GRM1: variants seen among roughly 807,000 people sequenced by gnomAD.
GRM1 encodes the protein metabotropic glutamate receptor 1.
In GRM1, 33 loss-of-function variants were observed where a neutral mutation model predicts 90.9. The ratio of observed to expected loss-of-function variants is 0.36; its 90% CI spans 0.28 to 0.49. GRM1 has a LOEUF of 0.49. GRM1 is among the 20% of genes least tolerant of loss of function. The pLI, the probability that GRM1 is intolerant of heterozygous loss-of-function variation, is 0.99. For missense variants in GRM1, 1,190 were observed against 1,534.3 expected, an observed-to-expected ratio of 0.78 and a Z score of 3.75; for synonymous variants, 700 against 613.2, an observed-to-expected ratio of 1.14 and a Z score of -2.09.
intron 2 of GRM1, among the ~76,000 whole-genome samples, chr6:146,189,966 T>C (rs1285527181): frequency 6.6e-6 from 1 of 152,204 alleles, no homozygotes; most frequent in East Asian, 1.9e-4. Flanking sequence ...TACAGTGTTT[T>C]GCTTTGGCAA....
rs1290728366 is a variant in GRM1 at position 146,166,613 on chromosome 6, G to A, written c.950+7016G>A. 2.6e-5 allele frequency among the ~76,000 whole-genome samples: 4 copies of A among 152,082 alleles called. No homozygotes were observed. In the East Asian group the frequency reaches 5.8e-4, roughly 22 times the overall value. On this transcript the variant is annotated intron_variant, in intron 2 of 7. Coordinates refer to ENST00000282753, the MANE Select transcript of GRM1 (RefSeq NM_001278064.2). ...GCTGCCCAAATTGGCCTACTGACCT[G>A]CCCTCTGAAAACACAGTCATGTTCC...
intron 2 of GRM1, among the ~76,000 whole-genome samples, chr6:146,211,347 GAA>G (rs58945695): frequency 1.6e-5 from 2 of 125,446 alleles, no homozygotes. Flanking sequence ...TCTAATGATA[GAA>G]AAAAAAAAAA....
intron 1 of GRM1, among the ~76,000 whole-genome samples, chr6:146,066,277 T>C (rs1775844669): frequency 6.6e-6 from 1 of 152,214 alleles, no homozygotes; most frequent in African/African-American, 2.4e-5. Flanking sequence ...TGTGACTATG[T>C]ATACTCAGAT....
At chr6:146,066,766 C>CAGAGAGAG (rs560090955) in intron 1 of GRM1, among the ~76,000 whole-genome samples, 176 of 60,160 alleles carry the variant, frequency 2.9e-3, no homozygotes, top group African/African-American at 7.8e-3. Flanking sequence ...GACAGACAGG[C>CAGAGAGAG]AGAGAGAGAG....
At chr6:146,391,314 A>G (rs2114546477) in intron 6 of GRM1, among the ~76,000 whole-genome samples, 1 of 152,154 alleles carries the variant, frequency 6.6e-6, no homozygotes, top group Middle Eastern at 3.4e-3. Context: ...TTTGCTCAGT[A>G]ATTTGTAGTT....
intron 2 of GRM1, among the ~76,000 whole-genome samples, chr6:146,279,814 A>AT (rs200054864): frequency 5.1e-4 from 77 of 150,966 alleles, no homozygotes; most frequent in Admixed American, 1.6e-3. Context: ...TTATTTATTG[A>AT]TTTTTTTTTC....
intron 2 of GRM1, among the ~76,000 whole-genome samples, chr6:146,224,066 T>C (rs1009469218): frequency 3.3e-5 from 5 of 152,022 alleles, no homozygotes; most frequent in Admixed American, 2.6e-4. Flanking sequence ...TGTGTTCCCA[T>C]AGAAACCTCA....
intron 2 of GRM1, among the ~76,000 whole-genome samples, chr6:146,252,519 G>A (rs1227099956): frequency 2.6e-5 from 4 of 152,080 alleles, no homozygotes; most frequent in African/African-American, 7.2e-5. Flanking sequence ...TGCTGAGGCA[G>A]GAGAATTGTT....
In GRM1 at chr6:146,252,385, C is replaced by G. The variant is rs541303940; in HGVS notation, c.951-52226C>G. Among the ~76,000 whole-genome samples the G allele has an allele frequency of 1.6e-4, 24 of 152,252 alleles. No individual in the cohort carries two copies. The South Asian group carries it at 5.0e-3, about 32-fold the overall frequency. ...GGGTGTGGTGGCTCACGCCTGTAAT[C>G]CCAGCACTTTGGGAGGTCAAGGCGG... is the stretch of plus-strand genomic sequence containing the variant. On this transcript the variant is annotated intron_variant, in intron 2 of 7. Transcript: ENST00000282753.
At chr6:146,360,449 A>G (rs552563941) in intron 5 of GRM1, among the ~76,000 whole-genome samples, 9 of 152,184 alleles carry the variant, frequency 5.9e-5, no homozygotes, top group Non-Finnish European at 1.3e-4. Context: ...GGAAAAAAAG[A>G]GCCCATGTCA....
At chr6:146,153,034 G>A (rs139046395) in intron 1 of GRM1, among the ~76,000 whole-genome samples, 5 of 152,270 alleles carry the variant, frequency 3.3e-5, no homozygotes, top group East Asian at 3.9e-4. Context: ...GGGTGGGCTC[G>A]TGGCTGGGTG....
At chr6:146,290,574 A>G (rs1350079380) in intron 2 of GRM1, among the ~76,000 whole-genome samples, 2 of 152,032 alleles carry the variant, frequency 1.3e-5, no homozygotes, top group East Asian at 1.9e-4. Context: ...GAAACCCAAT[A>G]TTGTCTGGCC....
intron 1 of GRM1, among the ~76,000 whole-genome samples, chr6:146,033,034 G>T (rs192436612): frequency 6.6e-6 from 1 of 151,430 alleles, no homozygotes; most frequent in Admixed American, 6.6e-5. Context: ...CATATTATTT[G>T]TACCACACTT....
intron 3 of GRM1, among the ~76,000 whole-genome samples, chr6:146,310,196 A>G (rs1783725826): frequency 6.6e-6 from 1 of 152,206 alleles, no homozygotes; most frequent in African/African-American, 2.4e-5. Context: ...CTCTTACTCC[A>G]ATAGTTTGGA....
intron 1 of GRM1, among the ~76,000 whole-genome samples, chr6:146,117,380 G>A (rs1775791478): frequency 6.6e-6 from 1 of 151,670 alleles, no homozygotes; most frequent in Non-Finnish European, 1.5e-5. Flanking sequence ...TCATCCAGTG[G>A]ATACATCTAA....
chr6:146,137,890 C>A (rs1446878985), intron 1 of GRM1, among the ~76,000 whole-genome samples: 1 of 151,886 alleles, frequency 6.6e-6, no homozygotes, highest in East Asian at 1.9e-4. Context: ...AAGTTAATGC[C>A]TAGGTATTTA....
intron 2 of GRM1, among the ~76,000 whole-genome samples, chr6:146,175,698 A>G (rs1374444690): frequency 6.6e-6 from 1 of 152,100 alleles, no homozygotes; most frequent in Non-Finnish European, 1.5e-5. Context: ...TTTCTTTTTA[A>G]AGTCACAAAC....
In GRM1 at chr6:146,252,314, T is replaced by C. The variant is rs140563125; in HGVS notation, c.951-52297T>C. Among the ~76,000 whole-genome samples, 751 of 152,302 alleles carry C rather than the reference T, an allele frequency of 4.9e-3. 4 individuals are homozygous for C. Among genetic ancestry groups the C allele is most frequent in the African/African-American group, 0.017 (698 of 41,562 alleles). ...TTGAAAAATATTTGGGGAGACTTCCTGAGGGAGGTGACATCAAAACTAGGG... is the reference window on the plus strand; with the variant it reads ...TTGAAAAATATTTGGGGAGACTTCCCGAGGGAGGTGACATCAAAACTAGGG... On this transcript the variant is annotated intron_variant, in intron 2 of 7. Coordinates refer to ENST00000282753, the MANE Select transcript of GRM1 (RefSeq NM_001278064.2).
chr6:146,150,942 A>G (rs755708610), intron 1 of GRM1, among the ~76,000 whole-genome samples: 6,007 of 127,356 alleles, frequency 0.047, 138 homozygotes, highest in Admixed American at 0.057. Context: ...GTGCGCGCAC[A>G]CACACACACA....
Sources: gnomAD v4.1 joint callset for allele counts (sites outside exome capture counted in the v4.1 genomes callset) on GRCh38, gnomAD v4.1.1 for gene constraint, MANE v1.5 for transcripts, NCBI Gene and HGNC (gene_info 2026-07-23, HGNC 2026-07-21) for gene names.